Variants in VPS13B observed in about 807,000 individuals in gnomAD.
The protein encoded by VPS13B is intermembrane lipid transfer protein VPS13B.
In VPS13B, 285 loss-of-function variants were observed where a neutral mutation model predicts 426.4. The ratio of observed to expected loss-of-function variants is 0.67; its 90% CI spans 0.61 to 0.74. VPS13B has a LOEUF of 0.74. Ranked by LOEUF, VPS13B falls within the 30% of genes least tolerant of loss-of-function variation. The pLI is 0.00. For synonymous variants in VPS13B, 1,676 were observed against 1,676.4 expected (o/e 1.00, Z 0.01); for missense variants, 4,537 against 4,782.6 (o/e 0.95, Z 1.51).
intron 43 of VPS13B, among the ~76,000 whole-genome samples, chr8:99,799,527 T>G (rs1303053363): frequency 6.6e-6 from 1 of 152,200 alleles, no homozygotes. Flanking sequence ...ACAAAAATGT[T>G]TTCTTAGTAC....
chr8:99,442,243 T>G (rs1817712407), intron 22 of VPS13B, among the ~76,000 whole-genome samples, 158 bp from the exon 23 acceptor site: 1 of 152,186 alleles, frequency 6.6e-6, no homozygotes, highest in Non-Finnish European at 1.5e-5. Flanking sequence ...AAACAATACC[T>G]TTTCAAGTTT....
intron 21 of VPS13B, among the ~76,000 whole-genome samples, chr8:99,423,960 G>T (rs561035553): frequency 5.9e-5 from 9 of 152,164 alleles, no homozygotes; most frequent in African/African-American, 2.2e-4. Flanking sequence ...TTCCTGGATA[G>T]CTTTGTTAAC....
At chr8:99,342,181 A>G (rs1292139749) in intron 19 of VPS13B, among the ~76,000 whole-genome samples, 1 of 152,240 alleles carries the variant, frequency 6.6e-6, no homozygotes, top group Non-Finnish European at 1.5e-5. Context: ...TTTGTATACA[A>G]TGTGGCATGA....
intron 8 of VPS13B, among the ~76,000 whole-genome samples, chr8:99,129,938 C>T (rs889108785): frequency 7.2e-5 from 11 of 151,966 alleles, no homozygotes; most frequent in African/African-American, 2.7e-4. Context: ...ATTGCTTGAG[C>T]CCTGGAGGTT....
chr8:99,482,223 T>C (rs1195628513), intron 25 of VPS13B, among the ~76,000 whole-genome samples: 5 of 152,106 alleles, frequency 3.3e-5, no homozygotes, highest in African/African-American at 1.2e-4. Flanking sequence ...TCAGACCCAA[T>C]GCCCTCTCCT....
At chr8:99,436,489 A>G (rs1817382520) in intron 22 of VPS13B, among the ~76,000 whole-genome samples, 1 of 152,130 alleles carries the variant, frequency 6.6e-6, no homozygotes, top group Non-Finnish European at 1.5e-5. Flanking sequence ...TGGTTCCTCA[A>G]TTTGAGTAAG....
At position 99,343,343 on chromosome 8, in the gene VPS13B, C is replaced by T. The variant is rs1021738946; in HGVS notation, c.2825-40865C>T. On this transcript the variant is annotated intron_variant, in intron 19 of 61. Transcript: ENST00000357162. ...TCTTGACCTCATGATCCACCCACCT[C>T]GGCCTCCCAAAGTGCTAGGATTACA... Among the ~76,000 whole-genome samples the T allele has an allele frequency of 3.9e-5, 6 of 152,220 alleles. No individual in the cohort carries two copies. The South Asian group carries it at 8.3e-4, about 21-fold the overall frequency.
At chr8:99,582,687 G>A (rs1478079481) in intron 33 of VPS13B, among the ~76,000 whole-genome samples, 1 of 151,406 alleles carries the variant, frequency 6.6e-6, no homozygotes, top group African/African-American at 2.4e-5. Flanking sequence ...ATGGAGTCTC[G>A]CTCTGTCTCC....
intron 17 of VPS13B, among the ~76,000 whole-genome samples, chr8:99,219,173 A>G (rs548206917): frequency 2.6e-5 from 4 of 152,330 alleles, no homozygotes; most frequent in African/African-American, 4.8e-5. Context: ...GCCATTGGCA[A>G]TAACGATCAG....
In VPS13B at chr8:99,762,026, G is replaced by GT. The variant is rs916062336; in HGVS notation, c.7051-4738dup. On this transcript the variant is annotated intron_variant, in intron 39 of 61. Transcript: ENST00000357162. ...CTGAGTTTTTGTTTGTTTGCTTGTG[G>GT]TTTTTTTTTTATTTTTTTGAAACAG... 9.2e-3 allele frequency among the ~76,000 whole-genome samples: 1,363 copies of GT among 148,626 alleles called. 22 individuals carry two copies. The highest frequency in any genetic ancestry group is 0.03 in the African/African-American group (1,235 of 40,716).
intron 34 of VPS13B, among the ~76,000 whole-genome samples, chr8:99,655,588 C>T (rs1829993001): frequency 1.3e-5 from 2 of 152,118 alleles, no homozygotes; most frequent in Non-Finnish European, 2.9e-5. Context: ...TTTGAAGTGA[C>T]AGCCAGTCTT....
intron 5 of VPS13B, among the ~76,000 whole-genome samples, chr8:99,106,754 C>T (rs999303782): frequency 2.0e-5 from 3 of 152,116 alleles, no homozygotes; most frequent in Admixed American, 1.3e-4. Context: ...TTCAGGTTTT[C>T]GTCTGTAACA....
At chr8:99,019,268 G>A (rs1406636659) in intron 2 of VPS13B, among the ~76,000 whole-genome samples, 1 of 147,798 alleles carries the variant, frequency 6.8e-6, no homozygotes, top group East Asian at 2.0e-4. Flanking sequence ...GTGCAGTGGT[G>A]CGATCTTGGC....
At chr8:99,343,116 C>T (rs572487563) in intron 19 of VPS13B, among the ~76,000 whole-genome samples, 6 of 147,284 alleles carry the variant, frequency 4.1e-5, no homozygotes, top group South Asian at 2.1e-4. Context: ...TTTTTTGAGA[C>T]GGGAGTCTCG....
chr8:99,633,113 A>C (rs1828915132), intron 33 of VPS13B, among the ~76,000 whole-genome samples: 1 of 152,054 alleles, frequency 6.6e-6, no homozygotes, highest in Non-Finnish European at 1.5e-5. Flanking sequence ...TTTTAAAAGC[A>C]TGTCTTTTTC....
intron 51 of VPS13B, among the ~76,000 whole-genome samples, chr8:99,832,155 G>C (rs1021788288): frequency 4.7e-4 from 71 of 151,714 alleles, no homozygotes; most frequent in Non-Finnish European, 7.8e-4. Context: ...CCTGCTACTT[G>C]GGAGACTGAG....
Position 99,772,287 on chromosome 8 carries a change from G to A in VPS13B, c.7248-4488G>A, listed in dbSNP as rs1811540825. Among the ~76,000 whole-genome samples, 10 of 151,810 alleles carry A rather than the reference G, an allele frequency of 6.6e-5. 1 individual carries two copies. In the South Asian group the frequency reaches 2.1e-3, roughly 32 times the overall value. On this transcript the variant is annotated intron_variant, in intron 40 of 61. Coordinates refer to ENST00000357162, the MANE Select transcript of VPS13B (RefSeq NM_152564.5). ...AAGGTTATTTTTCAAACTACAAACT[G>A]GAGCACATTCATGGGTTATGAAATA...
At chr8:99,603,449 A>G (rs1198393426) in intron 33 of VPS13B, among the ~76,000 whole-genome samples, 1 of 152,256 alleles carries the variant, frequency 6.6e-6, no homozygotes, top group Non-Finnish European at 1.5e-5. Context: ...TAGAACAATT[A>G]TAACAATGAG....
In VPS13B at chr8:99,870,536, T is replaced by C. The variant is rs74485065; in HGVS notation, c.11393-249T>C. The stretch of plus-strand genomic sequence containing the variant: ...GACCAGCTACTTTCGGTGTTTTTGC[T>C]TCCTCTAATTGCTAGTCTATGCTTG... On this transcript the variant is annotated intron_variant, in intron 59 of 61. Coordinates refer to ENST00000357162, the MANE Select transcript of VPS13B (RefSeq NM_152564.5). Among the ~76,000 whole-genome samples, 638 of 152,346 alleles carry C rather than the reference T, an allele frequency of 4.2e-3. 5 individuals are homozygous for C. The highest frequency in any genetic ancestry group is 0.015 in the African/African-American group (610 of 41,582).
Sources: gnomAD v4.1 joint callset for allele counts (sites outside exome capture counted in the v4.1 genomes callset) on GRCh38, gnomAD v4.1.1 for gene constraint, MANE v1.5 for transcripts, NCBI Gene and HGNC (gene_info 2026-07-23, HGNC 2026-07-21) for gene names.